PGPEP1L: variants seen among roughly 807,000 people sequenced by gnomAD.
PGPEP1L encodes the protein pyroglutamyl-peptidase 1-like protein.
In PGPEP1L, 7 loss-of-function variants were observed where a neutral mutation model predicts 6.0. The ratio of observed to expected loss-of-function variants is 1.17; its 90% confidence interval spans 0.66 to 2.19. The LOEUF is 2.19. Ranked by LOEUF, PGPEP1L falls within the 30% of genes most tolerant of loss-of-function variation. The pLI is 0.00. For missense variants in PGPEP1L, 209 were observed against 192.5 expected (o/e 1.09, Z -0.51); for synonymous variants, 103 against 83.9 (o/e 1.23, Z -1.24).
rs143917491 is a variant in PGPEP1L, at chr15:98,978,642, T to C, written c.-141-7484A>G. Among the ~76,000 whole-genome samples, 7 of 151,358 alleles carry C rather than the reference T, an allele frequency of 4.6e-5. No homozygotes were observed. The East Asian group carries it at 9.7e-4, about 21-fold the overall frequency. On this transcript the variant is annotated intron_variant, in intron 2 of 4. Transcript: ENST00000535714. ...GACCAAATTAGACATTCTGCTGCCC[T>C]AAGTAACCTGCCTGATTTCCAGGGC...
At chr15:98,976,195 T>C (rs1309496016) in intron 2 of PGPEP1L, among the ~76,000 whole-genome samples, 1 of 152,214 alleles carries the variant, frequency 6.6e-6, no homozygotes, top group Non-Finnish European at 1.5e-5. Flanking sequence ...ACTTGTACAC[T>C]TTAAAGGGTT....
chr15:98,980,533 T>C (rs1342936586), intron 2 of PGPEP1L, among the ~76,000 whole-genome samples: 1 of 152,228 alleles, frequency 6.6e-6, no homozygotes, highest in Non-Finnish European at 1.5e-5. Context: ...CAGTAACCGA[T>C]GTAACTCCTC....
At chr15:98,994,731 T>G (rs1555472352) in intron 2 of PGPEP1L, among the ~76,000 whole-genome samples, 1 of 152,230 alleles carries the variant, frequency 6.6e-6, no homozygotes, top group Non-Finnish European at 1.5e-5. Flanking sequence ...AGGACATCCT[T>G]TAGTTGTTCC....
At chr15:99,000,930 C>G (rs1469943592) in intron 2 of PGPEP1L, among the ~76,000 whole-genome samples, 4 of 152,174 alleles carry the variant, frequency 2.6e-5, no homozygotes, top group Admixed American at 1.3e-4. Flanking sequence ...TGGGTCCACA[C>G]TGCCTTTATG....
chr15:98,994,318 C>CA (rs1352147933), intron 2 of PGPEP1L, among the ~76,000 whole-genome samples: 2 of 152,030 alleles, frequency 1.3e-5, no homozygotes, highest in African/African-American at 4.8e-5. Context: ...TAAAAGCTTT[C>CA]ATTGTCTTAC....
Position 98,968,599 on chromosome 15 carries a change from C to T in PGPEP1L, c.308G>A (p.Ser103Asn), listed in dbSNP as rs763867207. Residue 103 changes from serine to asparagine, a missense_variant, in exon 5 of 5, where the codon AGC (serine) becomes AAC (asparagine). Physicochemically the swap from Ser to Asn is conservative, Grantham distance 46. Coordinates refer to ENST00000535714, the MANE Select transcript of PGPEP1L (RefSeq NM_001167902.2). ...VPPLSRGLPA[S>N]LLGRALRVII... is the part of the protein sequence containing the mutation. ...GACTCTCAAGGCTCTTCCCAGCAGG[C>T]TGGCCGGGAGCCCGCGCGATAGTGG... is the stretch of plus-strand genomic sequence containing the variant. 4.3e-6 allele frequency: 7 copies of T among 1,609,686 alleles called. No homozygotes were observed. Among genetic ancestry groups the T allele is most frequent in the Non-Finnish European group, 5.9e-6 (7 of 1,178,126 alleles).
intron 2 of PGPEP1L, among the ~76,000 whole-genome samples, chr15:98,996,717 C>G (rs554620801): frequency 6.6e-6 from 1 of 152,126 alleles, no homozygotes; most frequent in East Asian, 1.9e-4. Context: ...GTGTTTGGTC[C>G]TCAGAGCTGC....
chr15:98,995,528 T>A (rs1555472434), intron 2 of PGPEP1L, among the ~76,000 whole-genome samples: 2 of 152,080 alleles, frequency 1.3e-5, no homozygotes, highest in African/African-American at 4.8e-5. Flanking sequence ...TGAAACCCCA[T>A]CTCTACTAAA....
intron 2 of PGPEP1L, among the ~76,000 whole-genome samples, chr15:98,994,875 A>T (rs1252876575): frequency 2.0e-5 from 3 of 152,204 alleles, no homozygotes; most frequent in African/African-American, 7.2e-5. Context: ...CACTTTGAAT[A>T]TATTACTCTA....
chr15:99,000,865 T>C (rs572274790), intron 2 of PGPEP1L, among the ~76,000 whole-genome samples: 1 of 152,258 alleles, frequency 6.6e-6, no homozygotes, highest in South Asian at 2.1e-4. Context: ...CCTTCCACAC[T>C]GTGGAAGCTT....
Position 98,971,175 on chromosome 15 carries a change from G to C in PGPEP1L, c.-141-17C>G. The C allele has an allele frequency of 7.2e-7, 1 of 1,393,516 alleles. No individual in the cohort carries two copies. Among genetic ancestry groups the C allele is most frequent in the Non-Finnish European group, 9.6e-7 (1 of 1,038,974 alleles). 86.3% of individuals were successfully genotyped at this position (1,393,516 alleles called of 1,614,324 possible). On this transcript the variant is annotated splice_polypyrimidine_tract_variant and intron_variant, in intron 2 of 4. Coordinates refer to ENST00000535714, the MANE Select transcript of PGPEP1L (RefSeq NM_001167902.2). ...GGAGAGCTCCTGAGGAAAGCGGCAG[G>C]TGGACTTGCCTCAGTTGATGGGGGG...
intron 2 of PGPEP1L, among the ~76,000 whole-genome samples, chr15:98,985,471 G>A (rs994303309): frequency 6.6e-6 from 1 of 152,204 alleles, no homozygotes; most frequent in South Asian, 2.1e-4. Flanking sequence ...CCGGGAAGCG[G>A]AAGTTGCAGT....
At chr15:98,981,094 C>G (rs992994063) in intron 2 of PGPEP1L, among the ~76,000 whole-genome samples, 8 of 152,194 alleles carry the variant, frequency 5.3e-5, no homozygotes, top group Non-Finnish European at 1.5e-5. Context: ...TCTTCCTCCC[C>G]CTAACCTCAG....
rs780749691 is a variant in PGPEP1L at position 98,969,570 on chromosome 15, C to T, written c.64G>A (p.Ala22Thr). ...QSGKNQGYRD[A>T]DIRSFWPEGG... ...TCGGGCCAGAAGCTGCGGATGTCGG[C>T]GTCCCGGTAGCCTTGGTTCTTGCCA... Residue 22 changes from alanine to threonine, a missense_variant, in exon 4 of 5, where the codon GCC (alanine) becomes ACC (threonine). Ala to Thr is a moderately conservative substitution (Grantham distance 58). Transcript: ENST00000535714. 7.4e-6 allele frequency: 12 copies of T among 1,613,798 alleles called. No individual in the cohort carries two copies. The African/African-American group carries it at 1.1e-4, about 14-fold the overall frequency.
At chr15:98,983,811 C>A (rs1279108959) in intron 2 of PGPEP1L, among the ~76,000 whole-genome samples, 2 of 151,794 alleles carry the variant, frequency 1.3e-5, no homozygotes, top group Admixed American at 6.6e-5. Flanking sequence ...GTATAATAAT[C>A]TGTCTGTATT....
intron 2 of PGPEP1L, 43 bp from the exon 3 acceptor site, chr15:98,971,201 G>GCT: frequency 3.3e-6 from 1 of 305,596 alleles, no homozygotes; most frequent in Non-Finnish European, 4.6e-6. Flanking sequence ...TGATGGGGGG[G>GCT]GGGGGGGGGT....
rs749661883 is a variant in PGPEP1L at position 99,000,386 on chromosome 15, C to T, written c.-142+5043G>A. Among the ~76,000 whole-genome samples the T allele has an allele frequency of 9.2e-5, 14 of 152,350 alleles. No individual in the cohort carries two copies. The East Asian group carries it at 1.4e-3, about 15-fold the overall frequency. Reference sequence around the variant, plus strand: ...CGACCACCCCAAGGGCTGAGGAGTGCGGGCACATGGCACAGGACTGGCAGG... The same window carrying T: ...CGACCACCCCAAGGGCTGAGGAGTGTGGGCACATGGCACAGGACTGGCAGG... On this transcript the variant is annotated intron_variant, in intron 2 of 4. Coordinates refer to ENST00000535714, the MANE Select transcript of PGPEP1L (RefSeq NM_001167902.2).
At chr15:98,969,309 C>G in intron 4 of PGPEP1L, 116 bp downstream of exon 4, 2 of 1,325,366 alleles carry the variant, frequency 1.5e-6, no homozygotes, top group Non-Finnish European at 2.1e-6. Context: ...GGGGCGGCAC[C>G]GCATGGCCAA....
intron 2 of PGPEP1L, among the ~76,000 whole-genome samples, chr15:98,974,082 A>G (rs971708478): frequency 6.6e-6 from 1 of 152,226 alleles, no homozygotes; most frequent in Non-Finnish European, 1.5e-5. Context: ...AACAAATTGG[A>G]AAATATAGAA....
Sources: allele counts gnomAD v4.1 joint callset (sites outside exome capture counted in the v4.1 genomes callset), GRCh38; gene constraint gnomAD v4.1.1; transcripts MANE v1.5; gene names NCBI Gene and HGNC (gene_info 2026-07-23, HGNC 2026-07-21).